Variants in CAMTA1 observed in about 807,000 individuals in gnomAD.
CAMTA1 encodes calmodulin binding transcription activator 1, also known as calmodulin-binding transcription activator 1.
Under a neutral mutation model 170.9 loss-of-function variants are expected in CAMTA1, and 27 were observed. The ratio of observed to expected loss-of-function variants is 0.16; its 90% CI spans 0.12 to 0.22. CAMTA1 has a LOEUF of 0.22. Among genes scored for constraint, CAMTA1 ranks in the 10% least tolerant of loss-of-function variants. The pLI, the probability that CAMTA1 is intolerant of heterozygous loss-of-function variation, is 1.00. For missense variants in CAMTA1, 1,619 were observed against 2,217.2 expected, an observed-to-expected ratio of 0.73 and a Z score of 5.42; for synonymous variants, 833 against 891.5, an observed-to-expected ratio of 0.93 and a Z score of 1.17.
intron 5 of CAMTA1, among the ~76,000 whole-genome samples, chr1:7,343,065 G>C (rs1051190952): frequency 2.0e-5 from 3 of 152,188 alleles, no homozygotes; most frequent in African/African-American, 7.2e-5. Context: ...CTGTGGATAG[G>C]AAATGAAAAG....
chr1:7,232,783 G>A (rs1365913021), intron 4 of CAMTA1, among the ~76,000 whole-genome samples: 1 of 152,178 alleles, frequency 6.6e-6, no homozygotes, highest in Admixed American at 6.5e-5. Context: ...AGCGCATTAA[G>A]AGGTTCCCCT....
At chr1:7,302,651 T>G (rs796972399) in intron 5 of CAMTA1, among the ~76,000 whole-genome samples, 35 of 152,336 alleles carry the variant, frequency 2.3e-4, no homozygotes, top group African/African-American at 8.4e-4. Flanking sequence ...GTTGGGGGGC[T>G]TCATCTGTTT....
rs1445623430 is a variant in CAMTA1, at chr1:6,860,198, C to CTATGAGT, written c.234+34988_234+34989insTATGAGT. 6.6e-5 allele frequency among the ~76,000 whole-genome samples: 10 copies of CTATGAGT among 152,238 alleles called. 1 individual carries two copies. The East Asian group carries it at 1.2e-3, about 18-fold the overall frequency. On this transcript the variant is annotated intron_variant, in intron 3 of 22. Transcript: ENST00000303635. ...CATGCCAATCCTATGAGTCATGCTC[C>CTATGAGT]CAAACTCTGAATCTTTTTGGCCTTG...
intron 16 of CAMTA1, among the ~76,000 whole-genome samples, chr1:7,741,581 G>T (rs886716428): frequency 4.6e-5 from 7 of 151,756 alleles, no homozygotes; most frequent in African/African-American, 1.7e-4. Flanking sequence ...AAAATGTTAA[G>T]TTGGTAGGTA....
chr1:7,632,860 C>T (rs1032495611), intron 6 of CAMTA1, among the ~76,000 whole-genome samples: 10 of 152,374 alleles, frequency 6.6e-5, no homozygotes, highest in African/African-American at 1.9e-4. Context: ...CACGCCCAGG[C>T]GTGGGCTCAG....
rs749771715 is a variant in CAMTA1, at chr1:7,664,609, G to A, written c.2062G>A (p.Gly688Arg). The change falls in exon 9 of 23, where the codon GGG becomes AGG. Residue 688 changes from glycine (G) to arginine (R), a missense_variant. Physicochemically the swap from Gly to Arg is moderately radical, Grantham distance 125. Coordinates refer to ENST00000303635, the MANE Select transcript of CAMTA1 (RefSeq NM_015215.4). ...CAACTTCCAGGCCATGACGGCAGAA[G>A]GGGAGGTCACCATGGAGACCTCGCA... ...QANFQAMTAE[G>R]EVTMETSQAA... 8 of 1,611,358 alleles carry A rather than the reference G, an allele frequency of 5.0e-6. No homozygotes were observed. In the East Asian group the frequency reaches 1.8e-4, roughly 36 times the overall value.
chr1:7,354,753 G>A (rs944305925), intron 5 of CAMTA1, among the ~76,000 whole-genome samples: 12 of 152,118 alleles, frequency 7.9e-5, no homozygotes, highest in African/African-American at 1.2e-4. Context: ...TTTAATAATC[G>A]TCCTTCTGAC....
intron 3 of CAMTA1, among the ~76,000 whole-genome samples, chr1:6,868,801 T>A (rs998745144): frequency 6.6e-6 from 1 of 152,248 alleles, no homozygotes; most frequent in Non-Finnish European, 1.5e-5. Context: ...GATGGACTTG[T>A]GAAAGTGAAA....
intron 4 of CAMTA1, among the ~76,000 whole-genome samples, chr1:7,139,275 ATATATT>A (rs982008302): frequency 6.3e-5 from 9 of 142,836 alleles, no homozygotes; most frequent in East Asian, 2.0e-4. Context: ...CATAATATAA[ATATATT>A]TATATTTATA....
intron 3 of CAMTA1, among the ~76,000 whole-genome samples, chr1:7,020,913 G>A (rs1044961380): frequency 6.6e-6 from 1 of 152,212 alleles, no homozygotes; most frequent in Non-Finnish European, 1.5e-5. Flanking sequence ...GGGCCACCAG[G>A]CAGCCCTCAC....
rs906943135 is a variant in CAMTA1, at chr1:7,534,462, C to T, written c.510+66561C>T. ...TATTTGTCCAAATGAATTTGTGTCA[C>T]GTTTCACAAAAAATCTGCTTCCCTG... On this transcript the variant is annotated intron_variant, in intron 6 of 22. Transcript: ENST00000303635. This position sits in a 1 kb window ranked among gnomAD's most constrained non-coding sequence, Gnocchi z 5.6. Among the ~76,000 whole-genome samples the T allele has an allele frequency of 5.9e-5, 9 of 152,328 alleles. No individual in the cohort carries two copies. Among genetic ancestry groups the T allele is most frequent in the Admixed American group, 2.0e-4 (3 of 15,306 alleles).
chr1:6,948,999 G>C (rs2149465794), intron 3 of CAMTA1, among the ~76,000 whole-genome samples: 1 of 152,288 alleles, frequency 6.6e-6, no homozygotes, highest in South Asian at 2.1e-4. Context: ...TTGAGAGGTG[G>C]GATAATCTTC....
Position 7,622,728 on chromosome 1 carries a change from C to T in CAMTA1, c.511-17672C>T, listed in dbSNP as rs2095607136. On this transcript the variant is annotated intron_variant, in intron 6 of 22. Coordinates refer to ENST00000303635, the MANE Select transcript of CAMTA1 (RefSeq NM_015215.4). ...TGTGGAGGCTTATTCAACATTAAAG[C>T]GTTCCTGAACCATTTCATTTATTCA... Among the ~76,000 whole-genome samples the T allele has an allele frequency of 2.6e-5, 4 of 152,248 alleles. No homozygotes were observed. The South Asian group carries it at 8.3e-4, about 32-fold the overall frequency.
chr1:6,927,865 G>A lies in CAMTA1; in HGVS notation c.234+102655G>A, dbSNP rs1223879019. ...GGGAACCGTGTTTCTAGTGACTTGT[G>A]GCCTTCCCCTAGCTACCCAGGAAAC... On this transcript the variant is annotated intron_variant, in intron 3 of 22. Transcript: ENST00000303635. Among the ~76,000 whole-genome samples the A allele has an allele frequency of 3.3e-5, 5 of 152,338 alleles. No homozygotes were observed. The East Asian group carries it at 9.6e-4, about 29-fold the overall frequency.
chr1:7,383,639 G>A (rs112726331), intron 5 of CAMTA1, among the ~76,000 whole-genome samples: 26 of 152,250 alleles, frequency 1.7e-4, no homozygotes, highest in African/African-American at 5.8e-4. Context: ...CAGGATGATG[G>A]GGGTGAGGTG....
At chr1:6,899,554 G>GCACACACACACA (rs70984034) in intron 3 of CAMTA1, among the ~76,000 whole-genome samples, 679 of 141,158 alleles carry the variant, frequency 4.8e-3, no homozygotes, top group Admixed American at 9.3e-3. Context: ...ACGCGCGCGC[G>GCACACACACACA]CACACACACA....
chr1:7,216,174 C>T lies in CAMTA1; in HGVS notation c.303-33317C>T, dbSNP rs930558471. Among the ~76,000 whole-genome samples, 2 of 152,118 alleles carry T rather than the reference C, an allele frequency of 1.3e-5. No homozygotes were observed. Among genetic ancestry groups the T allele is most frequent in the Admixed American group, 1.3e-4 (2 of 15,278 alleles). On this transcript the variant is annotated intron_variant, in intron 4 of 22. Coordinates refer to ENST00000303635, the MANE Select transcript of CAMTA1 (RefSeq NM_015215.4). The surrounding 1 kb of genome is among the most constrained non-coding windows in gnomAD (Gnocchi z 4.0). ...GAAGAGGGTGAAGGGGGAGGTCCTGCACTCTTCCAAACAACCAGATCTCCT... is the reference window on the plus strand; with the variant it reads ...GAAGAGGGTGAAGGGGGAGGTCCTGTACTCTTCCAAACAACCAGATCTCCT...
intron 6 of CAMTA1, among the ~76,000 whole-genome samples, chr1:7,639,778 A>G (rs2095746127): frequency 6.6e-6 from 1 of 152,046 alleles, no homozygotes; most frequent in Non-Finnish European, 1.5e-5. Flanking sequence ...CTAAAGAAAA[A>G]AAAAAAAAGT....
intron 4 of CAMTA1, among the ~76,000 whole-genome samples, chr1:7,177,663 A>G (rs1393701370): frequency 1.4e-5 from 2 of 147,822 alleles, no homozygotes; most frequent in Non-Finnish European, 3.0e-5. Flanking sequence ...GCCTCCTTCA[A>G]CACATCAAAA....
Sources: allele counts gnomAD v4.1 joint callset (sites outside exome capture counted in the v4.1 genomes callset), GRCh38; gene constraint gnomAD v4.1.1; non-coding constraint Gnocchi (gnomAD v3.1); transcripts MANE v1.5; gene names NCBI Gene and HGNC (gene_info 2026-07-23, HGNC 2026-07-21).